SPMIP9: variants seen among roughly 807,000 people sequenced by gnomAD.
The protein encoded by SPMIP9 is sperm microtubule inner protein 9.
the SPMIP9 span, among the ~76,000 whole-genome samples, chr2:88,527,059 A>G: frequency 6.6e-6 from 1 of 152,196 alleles, no homozygotes; most frequent in Non-Finnish European, 1.5e-5. Context: ...ACTGATAAAC[A>G]CCGATGTAAC....
At chr2:88,525,009 T>C in the SPMIP9 span, among the ~76,000 whole-genome samples, 32 of 152,230 alleles carry the variant, frequency 2.1e-4, no homozygotes, top group Non-Finnish European at 3.2e-4. Flanking sequence ...CAAACTACTG[T>C]TGTTCAACTG....
At chr2:88,529,226 G>C in the SPMIP9 span, 1 of 1,614,138 alleles carries the variant, frequency 6.2e-7, no homozygotes, top group Non-Finnish European at 8.5e-7. Flanking sequence ...GAGGGAGGAC[G>C]AGCGCAAGTT....
chr2:88,529,271 C>G, the SPMIP9 span: 17 of 1,614,030 alleles, frequency 1.1e-5, no homozygotes, highest in Non-Finnish European at 1.4e-5. Context: ...TCCAGCTTCC[C>G]ACGATCTGCA....
chr2:88,527,466 T>C, the SPMIP9 span, among the ~76,000 whole-genome samples: 5 of 152,208 alleles, frequency 3.3e-5, no homozygotes, highest in African/African-American at 4.8e-5. Context: ...CATTCCCTTA[T>C]GTGTTTTTCT....
the SPMIP9 span, chr2:88,529,547 G>A: frequency 9.8e-6 from 13 of 1,320,782 alleles, no homozygotes; most frequent in African/African-American, 1.5e-5. Flanking sequence ...GTGCAGAGAG[G>A]AGAACTGAAA....
the SPMIP9 span, among the ~76,000 whole-genome samples, chr2:88,528,791 T>C: frequency 3.3e-5 from 5 of 152,154 alleles, no homozygotes; most frequent in South Asian, 2.1e-4. Flanking sequence ...TCTAGAGAGA[T>C]ACAAAAAGCA....
At chr2:88,526,140 T>C in the SPMIP9 span, among the ~76,000 whole-genome samples, 1 of 152,092 alleles carries the variant, frequency 6.6e-6, no homozygotes, top group Non-Finnish European at 1.5e-5. Flanking sequence ...AGTTTGCTAG[T>C]CTGTGAGGAG....
At chr2:88,529,131 G>A in the SPMIP9 span, 1 of 1,614,098 alleles carries the variant, frequency 6.2e-7, no homozygotes, top group African/African-American at 1.3e-5. Flanking sequence ...CTAACAGATG[G>A]GTACCCTGCT....
chr2:88,525,845 C>T, the SPMIP9 span, among the ~76,000 whole-genome samples: 61 of 145,760 alleles, frequency 4.2e-4, no homozygotes, highest in Non-Finnish European at 6.8e-4. Context: ...GAGTTTTCTT[C>T]TTTATAATTT....
At chr2:88,525,407 C>G in the SPMIP9 span, among the ~76,000 whole-genome samples, 6 of 152,330 alleles carry the variant, frequency 3.9e-5, no homozygotes, top group African/African-American at 1.4e-4. Flanking sequence ...ATCTTCTAAA[C>G]AGCCCTCATT....
At chr2:88,529,201 G>C in the SPMIP9 span, 1 of 1,614,184 alleles carries the variant, frequency 6.2e-7, no homozygotes, top group African/African-American at 1.3e-5. Flanking sequence ...TCCCATCACA[G>C]GAACATGAGG....
chr2:88,527,917 A>G, the SPMIP9 span, among the ~76,000 whole-genome samples: 1 of 152,168 alleles, frequency 6.6e-6, no homozygotes, highest in Non-Finnish European at 1.5e-5. Flanking sequence ...GTATTGGCAG[A>G]CATTTTAATT....
At chr2:88,528,927 C>A in the SPMIP9 span, 3 of 912,428 alleles carry the variant, frequency 3.3e-6, no homozygotes, top group Non-Finnish European at 5.0e-6. Flanking sequence ...TGTTACCATT[C>A]AAGGACTAAT....
At chr2:88,525,508 C>G in the SPMIP9 span, 1 of 948,090 alleles carries the variant, frequency 1.1e-6, no homozygotes, top group Non-Finnish European at 1.7e-6. Context: ...GGGTAGGAGC[C>G]CAGGGAAGAT....
the SPMIP9 span, among the ~76,000 whole-genome samples, chr2:88,525,042 T>C: frequency 6.6e-6 from 1 of 152,182 alleles, no homozygotes; most frequent in Non-Finnish European, 1.5e-5. Context: ...CTTGCAACTT[T>C]CTTCACCTTG....
the SPMIP9 span, chr2:88,526,361 A>G: frequency 1.4e-6 from 2 of 1,452,882 alleles, no homozygotes; most frequent in Non-Finnish European, 1.9e-6. Context: ...TAAGTGGAGG[A>G]GTGACGAGGG....
the SPMIP9 span, chr2:88,525,650 A>G: frequency 1.9e-6 from 3 of 1,614,190 alleles, no homozygotes; most frequent in Non-Finnish European, 2.5e-6. Flanking sequence ...TTGCCATGGC[A>G]GGTGTGAAAT....
chr2:88,529,330 G>T, the SPMIP9 span: 1 of 1,614,096 alleles, frequency 6.2e-7, no homozygotes, highest in Non-Finnish European at 8.5e-7. Flanking sequence ...CTGACTTTCC[G>T]TGCCTCGTGG....
the SPMIP9 span, among the ~76,000 whole-genome samples, chr2:88,527,647 G>C: frequency 6.6e-6 from 1 of 152,072 alleles, no homozygotes; most frequent in Non-Finnish European, 1.5e-5. Flanking sequence ...ACAGTGTACC[G>C]TATTTGTCGT....
Sources: allele counts gnomAD v4.1 joint callset (sites outside exome capture counted in the v4.1 genomes callset), GRCh38; gene constraint gnomAD v4.1.1; transcripts MANE v1.5; gene names NCBI Gene and HGNC (gene_info 2026-07-23, HGNC 2026-07-21).